Variants in ZSCAN32 observed in about 807,000 individuals in gnomAD.
ZSCAN32 encodes zinc finger and SCAN domain-containing protein 32.
In ZSCAN32, 52 loss-of-function variants were observed where a neutral mutation model predicts 47.4. The ratio of observed to expected loss-of-function variants is 1.10; its 90% CI spans 0.88 to 1.38. ZSCAN32 has a LOEUF of 1.38. Among genes scored for constraint, ZSCAN32 ranks in the 40% most tolerant of loss-of-function variants. The pLI is 0.00. For synonymous variants in ZSCAN32, 346 were observed against 305.7 expected, an observed-to-expected ratio of 1.13 and a Z score of -1.38; for missense variants, 959 against 846.0, an observed-to-expected ratio of 1.13 and a Z score of -1.66.
At chr16:3,389,621 C>T (rs1358320085) in intron 5 of ZSCAN32, among the ~76,000 whole-genome samples, 1 of 152,140 alleles carries the variant, frequency 6.6e-6, no homozygotes, top group African/African-American at 2.4e-5. Flanking sequence ...ATTTGTTAAT[C>T]TCCTCTGCCA....
intron 6 of ZSCAN32, chr16:3,384,190 G>T: frequency 1.7e-6 from 1 of 580,196 alleles, no homozygotes; most frequent in Non-Finnish European, 3.0e-6. Context: ...TGGTCTGGAG[G>T]CCTAACCAGC....
At chr16:3,397,833 T>TGATA in intron 1 of ZSCAN32, 89 bp from the exon 2 acceptor site, 33 of 258,586 alleles carry the variant, frequency 1.3e-4, no homozygotes, top group South Asian at 1.0e-3. Flanking sequence ...TTTCCTTTAC[T>TGATA]CCCTCCACAA....
intron 5 of ZSCAN32, among the ~76,000 whole-genome samples, chr16:3,386,307 A>G (rs938052058): frequency 4.6e-5 from 7 of 152,172 alleles, no homozygotes; most frequent in African/African-American, 1.7e-4. Context: ...GCTGGAGAGG[A>G]TGTGGAGAAA....
At position 3,397,542 on chromosome 16, in the gene ZSCAN32, T is replaced by G; in HGVS notation, c.16A>C (p.Lys6Gln). The G allele has an allele frequency of 6.5e-7, 1 of 1,539,406 alleles. No homozygotes were observed. The highest frequency in any genetic ancestry group is 1.2e-5 in the South Asian group (1 of 83,414). The change falls in exon 2 of 7, where the codon AAG becomes CAG. Residue 6 changes from lysine to glutamine, a missense_variant. Coordinates refer to ENST00000396852, the MANE Select transcript of ZSCAN32 (RefSeq NM_001284527.2). MMAAV[K>Q]STEAHPSSNK... ...GAGGATGGGTGTGCCTCGGTACTCT[T>G]CACTGCAGCCATCATTTGCTTCAAC... is the stretch of plus-strand genomic sequence containing the variant.
rs888333778 is a variant in ZSCAN32, at chr16:3,390,548, C to T, written c.533-31G>A. 3.2e-5 allele frequency: 49 copies of T among 1,521,940 alleles called. No homozygotes were observed. In the Admixed American group the frequency reaches 4.7e-4, roughly 15 times the overall value. 94.3% of individuals were successfully genotyped at this position (1,521,940 alleles called of 1,614,324 possible). A position where few individuals can be genotyped will look rare whatever the true frequency, so the allele number is the denominator to read the frequency against. Reference sequence around the variant, plus strand: ...GGAAAAAACAGCCGCTATTAGAGGGCGGCTTCCACACAACAGCACAGAGCA... The same window carrying T: ...GGAAAAAACAGCCGCTATTAGAGGGTGGCTTCCACACAACAGCACAGAGCA... On this transcript the variant is annotated intron_variant, in intron 3 of 6. Coordinates refer to ENST00000396852, the MANE Select transcript of ZSCAN32 (RefSeq NM_001284527.2).
At chr16:3,397,788 C>A in intron 1 of ZSCAN32, 44 bp from the exon 2 acceptor site, 2 of 470,498 alleles carry the variant, frequency 4.3e-6, no homozygotes, top group South Asian at 3.5e-5. Context: ...TCAAACATTC[C>A]TTCACTCTGG....
rs774973738 is a variant in ZSCAN32 at position 3,383,523 on chromosome 16, T to C, written c.1423A>G (p.Lys475Glu). Residue 475 changes from lysine (K) to glutamate (E), a missense_variant, in exon 7 of 7, where the codon AAA becomes GAA. Physicochemically the swap from Lys to Glu is moderately conservative, Grantham distance 56 (BLOSUM62 1). Coordinates refer to ENST00000396852, the MANE Select transcript of ZSCAN32 (RefSeq NM_001284527.2). The stretch of plus-strand genomic sequence containing the variant: ...CTCATCTTCTCCTGGGATGGGGTTT[T>C]CTCCTCACTCTCCCCTGGAGAATTT... ...CRNSPGESEE[K>E]TPSQEKMSHQ... is the part of the protein sequence containing the mutation. 1 of 1,614,106 alleles carries C rather than the reference T, an allele frequency of 6.2e-7. No homozygotes were observed. Among genetic ancestry groups the C allele is most frequent in the African/African-American group, 1.3e-5 (1 of 75,036 alleles).
At chr16:3,399,425 C>T (rs1014328858) in intron 1 of ZSCAN32, among the ~76,000 whole-genome samples, 3 of 152,108 alleles carry the variant, frequency 2.0e-5, no homozygotes, top group Non-Finnish European at 4.4e-5. Context: ...CAACTATGTC[C>T]CACTCTCTAC....
At chr16:3,397,824 T>A in intron 1 of ZSCAN32, 80 bp from the exon 2 acceptor site, 1 of 304,522 alleles carries the variant, frequency 3.3e-6, no homozygotes, top group Non-Finnish European at 6.0e-6. Context: ...TCCTATCCCT[T>A]TCCTTTACTC....
rs201407846 is a variant in ZSCAN32 at position 3,383,694 on chromosome 16, C to T, written c.1252G>A (p.Glu418Lys). ...CATTTTAGATTTTCTTTTTTAATCT[C>T]GTTCTTGAACTCAAAACCTGAAAAA... ...PNRLGFEFKN[E>K]IKKENLKWDD... The change falls in exon 7 of 7, where the codon GAG becomes AAG. Residue 418 changes from glutamate (E) to lysine (K), a missense_variant. Transcript: ENST00000396852. 18 of 1,577,886 alleles carry T rather than the reference C, an allele frequency of 1.1e-5. No homozygotes were observed. In the East Asian group the frequency reaches 1.8e-4, roughly 16 times the overall value.
chr16:3,391,757 A>T (rs1280927486), intron 3 of ZSCAN32, among the ~76,000 whole-genome samples: 2 of 151,726 alleles, frequency 1.3e-5, no homozygotes, highest in Non-Finnish European at 2.9e-5. Context: ...TGCCAACTTA[A>T]ACATCATCAA....
rs1466388649 is a variant in ZSCAN32 at position 3,390,461 on chromosome 16, G to C, written c.589C>G (p.Gln197Glu). The change falls in exon 4 of 7, where the codon CAG becomes GAG. Residue 197 changes from glutamine (Q) to glutamate (E), a missense_variant. Transcript: ENST00000396852. ...NLPQNTGLHDQETGAVVWTAG... is the reference protein window; with the variant it reads ...NLPQNTGLHDEETGAVVWTAG... ...GTCCAGACCACAGCACCTGTCTCCT[G>C]GTCGTGGAGACCTGTGTTTTGAGGC... 1.3e-6 allele frequency: 2 copies of C among 1,549,900 alleles called. No individual in the cohort carries two copies. Among genetic ancestry groups the C allele is most frequent in the Admixed American group, 3.9e-5 (2 of 50,980 alleles).
In ZSCAN32 at chr16:3,397,167, C is replaced by G. The variant is rs986208625; in HGVS notation, c.366+25G>C. 4.0e-6 allele frequency: 6 copies of G among 1,483,708 alleles called. No individual in the cohort carries two copies. The Admixed American group carries it at 1.0e-4, about 25-fold the overall frequency. 91.9% of individuals were successfully genotyped at this position (1,483,708 alleles called of 1,614,324 possible). A position where few individuals can be genotyped will look rare whatever the true frequency, so the allele number is the denominator to read the frequency against. On this transcript the variant is annotated intron_variant, in intron 2 of 6. Transcript: ENST00000396852. The stretch of plus-strand genomic sequence containing the variant: ...CCCGACAACTTCATAACCAAAACCA[C>G]AAAGTTCCGACTTCCTTTTCTCACC...
At chr16:3,393,093 C>T (rs1471015209) in intron 3 of ZSCAN32, among the ~76,000 whole-genome samples, 1 of 134,200 alleles carries the variant, frequency 7.5e-6, no homozygotes, top group Non-Finnish European at 1.5e-5. Context: ...AATCTCTGTT[C>T]CTACTTTAAG....
intron 5 of ZSCAN32, among the ~76,000 whole-genome samples, chr16:3,386,496 G>A (rs929045211): frequency 1.6e-4 from 24 of 151,984 alleles, no homozygotes; most frequent in Non-Finnish European, 3.2e-4. Context: ...GCACACGTAT[G>A]TTTATTGCGG....
At chr16:3,389,967 C>A in intron 5 of ZSCAN32, 43 bp downstream of exon 5, 1 of 1,555,708 alleles carries the variant, frequency 6.4e-7, no homozygotes. Flanking sequence ...CTCTGAACAA[C>A]TGAACACATC....
rs748644461 is a variant in ZSCAN32 at position 3,383,025 on chromosome 16, T to C, written c.1921A>G (p.Ile641Val). 2.5e-6 allele frequency: 4 copies of C among 1,614,050 alleles called. No homozygotes were observed. The South Asian group carries it at 3.3e-5, about 13-fold the overall frequency. ...CTGAAGTGGGAGCTATTGTTGAAGA[T>C]TTTCCCACACACTGCACACTTGTAT... ...SPYKCAVCGK[I>V]FNNSSHFSAH... The change falls in exon 7 of 7, where the codon ATC becomes GTC. Residue 641 changes from isoleucine (I) to valine (V), a missense_variant. Physicochemically the swap from Ile to Val is conservative, Grantham distance 29. Transcript: ENST00000396852.
At chr16:3,390,774 G>A (rs570304092) in intron 3 of ZSCAN32, among the ~76,000 whole-genome samples, 5 of 152,232 alleles carry the variant, frequency 3.3e-5, no homozygotes, top group Admixed American at 2.0e-4. Context: ...CAGCGCTCAC[G>A]GCCTCTGTGA....
chr16:3,383,026 T>C lies in ZSCAN32; in HGVS notation c.1920A>G (p.Lys640=), dbSNP rs2031414328. The change falls in exon 7 of 7, where the codon AAA becomes AAG. Residue 640 remains lysine, a synonymous_variant. Transcript: ENST00000396852. ...TGAAGTGGGAGCTATTGTTGAAGAT[T>C]TTCCCACACACTGCACACTTGTATG... ...ESPYKCAVCG[K]IFNNSSHFSA... 2.5e-6 allele frequency: 4 copies of C among 1,613,972 alleles called. No individual in the cohort carries two copies. The highest frequency in any genetic ancestry group is 1.3e-5 in the African/African-American group (1 of 74,912).
Sources: allele counts gnomAD v4.1 joint callset (sites outside exome capture counted in the v4.1 genomes callset), GRCh38; gene constraint gnomAD v4.1.1; transcripts MANE v1.5; gene names NCBI Gene and HGNC (gene_info 2026-07-23, HGNC 2026-07-21).